TMEM182: variants seen among roughly 807,000 people sequenced by gnomAD.
The protein encoded by TMEM182 is transmembrane protein 182.
Under a neutral mutation model 26.8 loss-of-function variants are expected in TMEM182, and 20 were observed. That is an observed-to-expected ratio of 0.75 (90% confidence interval 0.53 to 1.09). TMEM182 has a LOEUF of 1.09. Ranked by LOEUF, TMEM182 falls within the 50% of genes least tolerant of loss-of-function variation. The probability of loss-of-function intolerance (pLI) is 0.00; values close to 1 mark genes in which losing one functional copy is unlikely to be tolerated. For synonymous variants in TMEM182, 109 were observed against 102.2 expected (o/e 1.07, Z -0.40); for missense variants, 277 against 275.5 (o/e 1.01, Z -0.04).
chr2:102,743,809 A>G lies in TMEM182; in HGVS notation c.-83+6796A>G, dbSNP rs577084262. Among the ~76,000 whole-genome samples the G allele has an allele frequency of 3.9e-5, 6 of 152,372 alleles. No individual in the cohort carries two copies. In the South Asian group the frequency reaches 1.0e-3, roughly 26 times the overall value. ...ACACTAATCAGAAGAAAACTGGAGT[A>G]GCCATATTAAGTTCAGACAAGACGT... On this transcript the variant is annotated intron_variant, in intron 1 of 5. Coordinates refer to the TMEM182 transcript ENST00000409173.
chr2:102,824,299 T>C (rs1349116610), intron 3 of TMEM182, among the ~76,000 whole-genome samples: 4 of 152,178 alleles, frequency 2.6e-5, no homozygotes, highest in African/African-American at 9.6e-5. Context: ...TCCTCAGTGA[T>C]TGTTTGTGGA....
intron 3 of TMEM182, among the ~76,000 whole-genome samples, chr2:102,768,993 A>G (rs537713750): frequency 3.2e-4 from 48 of 152,202 alleles, no homozygotes; most frequent in African/African-American, 1.1e-3. Context: ...TTCCACAATG[A>G]TGCTGCCAGG....
In TMEM182 at chr2:102,816,441, C is replaced by T. The variant is rs529010923; in HGVS notation, c.*1473C>T. ...TGTGCTTTTCCATTAAGACTTGTTC[C>T]AGTGGGAAGGAGCTTTGGAAAAATT... On this transcript the variant is annotated 3_prime_UTR_variant, in exon 5 of 5. Transcript: ENST00000412401. 2.0e-6 allele frequency: 2 copies of T among 984,870 alleles called. No homozygotes were observed. The highest frequency in any genetic ancestry group is 1.7e-5 in the African/African-American group (1 of 57,146). 61.0% of individuals were successfully genotyped at this position (984,870 alleles called of 1,614,324 possible). A position where few individuals can be genotyped will look rare whatever the true frequency, so the allele number is the denominator to read the frequency against.
At chr2:102,752,621 T>C (rs2104641619) in intron 1 of TMEM182, among the ~76,000 whole-genome samples, 1 of 152,342 alleles carries the variant, frequency 6.6e-6, no homozygotes, top group Non-Finnish European at 1.5e-5. Flanking sequence ...GCAACGTGTC[T>C]CCTTGCATTT....
chr2:102,751,701 A>C (rs1679881524), intron 1 of TMEM182, among the ~76,000 whole-genome samples: 1 of 151,998 alleles, frequency 6.6e-6, no homozygotes, highest in Admixed American at 6.6e-5. Context: ...CTTTCTTTTT[A>C]GAGACAGGGT....
chr2:102,745,345 A>G (rs1176903631), intron 1 of TMEM182, among the ~76,000 whole-genome samples: 1 of 152,024 alleles, frequency 6.6e-6, no homozygotes, highest in African/African-American at 2.4e-5. Flanking sequence ...CTTTTCCATT[A>G]TAATCTTTAA....
intron 3 of TMEM182, among the ~76,000 whole-genome samples, chr2:102,781,215 G>A (rs1180103275): frequency 1.3e-5 from 2 of 152,234 alleles, no homozygotes; most frequent in Non-Finnish European, 1.5e-5. Context: ...CAGCTGACTG[G>A]ATTGACTGAT....
Position 102,817,173 on chromosome 2 carries a change from T to A in TMEM182, c.*2205T>A. On this transcript the variant is annotated 3_prime_UTR_variant, in exon 5 of 5. Coordinates refer to ENST00000412401, the MANE Select transcript of TMEM182 (RefSeq NM_144632.5). ...ACTTAAAAATGGCAGAGTTATATAGTACATTATTGTAGCAACCTTATATCT... is the reference window on the plus strand; with the variant it reads ...ACTTAAAAATGGCAGAGTTATATAGAACATTATTGTAGCAACCTTATATCT... 2.0e-6 allele frequency: 2 copies of A among 985,390 alleles called. No homozygotes were observed. Among genetic ancestry groups the A allele is most frequent in the Non-Finnish European group, 2.4e-6 (2 of 829,864 alleles). The allele number at this position is 985,390 out of a possible 1,614,324, so 61.0% of individuals were successfully genotyped here.
chr2:102,756,534 C>A (rs1022618165), intron 1 of TMEM182, among the ~76,000 whole-genome samples: 1 of 151,988 alleles, frequency 6.6e-6, no homozygotes, highest in African/African-American at 2.4e-5. Flanking sequence ...ATGGTGAAGC[C>A]CCATCTCTAC....
intron 4 of TMEM182, among the ~76,000 whole-genome samples, chr2:102,803,830 G>C (rs1454577467): frequency 6.6e-6 from 1 of 152,164 alleles, no homozygotes; most frequent in African/African-American, 2.4e-5. Flanking sequence ...CGACAGCCTG[G>C]AGGCAGGCTG....
chr2:102,822,156 A>G (rs142243891), downstream of TMEM182, among the ~76,000 whole-genome samples: 734 of 152,288 alleles, frequency 4.8e-3, 9 homozygotes, highest in African/African-American at 0.017. Context: ...CAGTTAGATT[A>G]GGCAGTTAGT....
At chr2:102,786,417 C>G (rs1194782489) in intron 3 of TMEM182, among the ~76,000 whole-genome samples, 3 of 151,982 alleles carry the variant, frequency 2.0e-5, no homozygotes, top group Non-Finnish European at 4.4e-5. Flanking sequence ...GTTTCACCAT[C>G]TTGGTCAGGC....
intron 1 of TMEM182, among the ~76,000 whole-genome samples, chr2:102,756,113 A>G (rs1680022408): frequency 6.6e-6 from 1 of 152,236 alleles, no homozygotes; most frequent in Non-Finnish European, 1.5e-5. Flanking sequence ...TCCAGGAGGA[A>G]GGATGATGTG....
intron 3 of TMEM182, 188 bp from the exon 4 acceptor site, chr2:102,797,675 C>T: frequency 3.3e-6 from 2 of 607,982 alleles, no homozygotes; most frequent in Non-Finnish European, 5.5e-6. Flanking sequence ...CCAGCTTGGA[C>T]ATCACTGATT....
At chr2:102,781,724 G>A (rs1007450564) in intron 3 of TMEM182, among the ~76,000 whole-genome samples, 3 of 152,136 alleles carry the variant, frequency 2.0e-5, no homozygotes, top group African/African-American at 4.8e-5. Context: ...AGAGGAAGGC[G>A]CAACCGAAAT....
chr2:102,807,073 G>A (rs1682377438), intron 4 of TMEM182, among the ~76,000 whole-genome samples: 1 of 152,202 alleles, frequency 6.6e-6, no homozygotes, highest in South Asian at 2.1e-4. Context: ...TTACTCAGTA[G>A]AGTACAGAGC....
chr2:102,788,165 G>T (rs147743801), intron 3 of TMEM182, among the ~76,000 whole-genome samples: 1 of 152,164 alleles, frequency 6.6e-6, no homozygotes, highest in Non-Finnish European at 1.5e-5. Flanking sequence ...TGTGTAACAG[G>T]GATTACACAG....
intron 3 of TMEM182, among the ~76,000 whole-genome samples, chr2:102,842,783 TGAA>T (rs1465733144): frequency 6.6e-6 from 1 of 152,066 alleles, no homozygotes; most frequent in Non-Finnish European, 1.5e-5. Context: ...CTCGGTGCCA[TGAA>T]GGAAGGGACA....
Position 102,817,346 on chromosome 2 carries a change from A to G in TMEM182, c.*2378A>G. ...CATAAAGTTTCAATTTATCAAGGAT[A>G]TCTTTTCAGTTACACTTTTAGAAAG... On this transcript the variant is annotated 3_prime_UTR_variant, in exon 5 of 5. Transcript: ENST00000412401. 1.0e-6 allele frequency: 1 copy of G among 985,436 alleles called. No homozygotes were observed. The highest frequency in any genetic ancestry group is 1.2e-6 in the Non-Finnish European group (1 of 829,928). The allele number at this position is 985,436 out of a possible 1,614,324, so 61.0% of individuals were successfully genotyped here. A position where few individuals can be genotyped will look rare whatever the true frequency, so the allele number is the denominator to read the frequency against.
Sources: gnomAD v4.1 joint callset for allele counts (sites outside exome capture counted in the v4.1 genomes callset) on GRCh38, gnomAD v4.1.1 for gene constraint, MANE v1.5 for transcripts, NCBI Gene and HGNC (gene_info 2026-07-23, HGNC 2026-07-21) for gene names.